Variants in EHBP1 observed in about 807,000 individuals in gnomAD.
EHBP1 encodes the protein EH domain-binding protein 1.
Under a neutral mutation model 144.0 loss-of-function variants are expected in EHBP1, and 55 were observed. That is an observed-to-expected ratio of 0.38 (90% confidence interval 0.31 to 0.48). EHBP1 has a LOEUF of 0.48. EHBP1 is among the 20% of genes least tolerant of loss of function. The probability of loss-of-function intolerance (pLI) is 0.98; values close to 1 mark genes in which losing one functional copy is unlikely to be tolerated. For missense variants in EHBP1, 1,200 were observed against 1,364.2 expected, an observed-to-expected ratio of 0.88 and a Z score of 1.90; for synonymous variants, 469 against 472.7, an observed-to-expected ratio of 0.99 and a Z score of 0.10.
chr2:62,977,758 T>C (rs1163195010), intron 14 of EHBP1, among the ~76,000 whole-genome samples: 1 of 152,180 alleles, frequency 6.6e-6, no homozygotes, highest in Non-Finnish European at 1.5e-5. Flanking sequence ...TACAAAGTTA[T>C]AATGTAAATT....
At chr2:62,697,743 A>C (rs952531016) in intron 1 of EHBP1, among the ~76,000 whole-genome samples, 1 of 152,246 alleles carries the variant, frequency 6.6e-6, no homozygotes, top group African/African-American at 2.4e-5. Flanking sequence ...AAAGAAAATC[A>C]AAATGAAAAA....
chr2:63,037,915 T>A (rs897254561), intron 20 of EHBP1, among the ~76,000 whole-genome samples: 1 of 152,028 alleles, frequency 6.6e-6, no homozygotes, highest in African/African-American at 2.4e-5. Context: ...GGAAAGGAAG[T>A]TTGGTTTATA....
At chr2:62,853,416 G>C (rs1013583400) in intron 7 of EHBP1, among the ~76,000 whole-genome samples, 3 of 152,196 alleles carry the variant, frequency 2.0e-5, no homozygotes, top group African/African-American at 7.2e-5. Flanking sequence ...CAGCAATTCA[G>C]TGATATCTTT....
At chr2:62,688,032 CT>C in intron 1 of EHBP1, among the ~76,000 whole-genome samples, 1 of 152,172 alleles carries the variant, frequency 6.6e-6, no homozygotes, top group Non-Finnish European at 1.5e-5. Flanking sequence ...CCTCAGCTTT[CT>C]TTCTCACTGG....
chr2:63,000,494 G>A (rs767103156), intron 19 of EHBP1, among the ~76,000 whole-genome samples: 5 of 151,914 alleles, frequency 3.3e-5, no homozygotes, highest in Non-Finnish European at 1.5e-5. Context: ...TCTGGAGTTC[G>A]AGACCAGCCT....
In EHBP1 at chr2:62,863,839, TG is replaced by T. The variant is rs1387482492; in HGVS notation, c.758-891del. 8.4e-3 allele frequency among the ~76,000 whole-genome samples: 989 copies of T among 117,112 alleles called. 121 individuals carry two copies. Among genetic ancestry groups the T allele is most frequent in the African/African-American group, 0.02 (631 of 32,002 alleles). The allele number at this position is 117,112 out of a possible 152,430, so 76.8% of individuals were successfully genotyped here. On this transcript the variant is annotated intron_variant, in intron 8 of 22. Coordinates refer to ENST00000431489, the MANE Select transcript of EHBP1 (RefSeq NM_001142616.3). ...TTTTTTAAATTTTATTTTTCTGTGT[TG>T]TTTTTTTTTTTTTTTTTTTTTTTTT...
At chr2:62,691,207 A>T (rs2033892383) in intron 1 of EHBP1, among the ~76,000 whole-genome samples, 1 of 152,206 alleles carries the variant, frequency 6.6e-6, no homozygotes, top group Non-Finnish European at 1.5e-5. Context: ...GTCTTATATG[A>T]TTACTTCTGT....
intron 19 of EHBP1, among the ~76,000 whole-genome samples, chr2:63,032,260 T>TA (rs2061280232): frequency 6.7e-6 from 1 of 149,084 alleles, no homozygotes; most frequent in African/African-American, 2.5e-5. Context: ...ATAAAATGAT[T>TA]TAAAAAAAAA....
At chr2:62,860,600 A>G (rs1350288972) in intron 8 of EHBP1, among the ~76,000 whole-genome samples, 11 of 152,218 alleles carry the variant, frequency 7.2e-5, no homozygotes, top group Non-Finnish European at 1.2e-4. Context: ...TTTAGGTTAG[A>G]TGGAGGTGGA....
chr2:62,997,436 G>T (rs879293001), intron 19 of EHBP1, among the ~76,000 whole-genome samples: 122 of 135,898 alleles, frequency 9.0e-4, no homozygotes, highest in Non-Finnish European at 1.7e-3. Flanking sequence ...TCATGTGTGT[G>T]TGTGTGTGTG....
rs2061932163 is a variant in EHBP1, at chr2:63,045,782, G to A, written c.*282G>A. The A allele has an allele frequency of 3.3e-6, 1 of 300,748 alleles. No homozygotes were observed. Among genetic ancestry groups the A allele is most frequent in the Non-Finnish European group, 6.2e-6 (1 of 160,118 alleles). The allele number at this position is 300,748 out of a possible 1,614,324, so 18.6% of individuals were successfully genotyped here. ...CACCTTGTGAGTGATTGGTATTGGA[G>A]GTGTTCAAGAAACTGTTCGAAAAAG... is the stretch of plus-strand genomic sequence containing the variant. On this transcript the variant is annotated 3_prime_UTR_variant, in exon 23 of 23. Coordinates refer to ENST00000431489, the MANE Select transcript of EHBP1 (RefSeq NM_001142616.3). The surrounding 1 kb of genome is among the most constrained non-coding windows in gnomAD (Gnocchi z 5.7).
At chr2:62,842,242 A>T (rs1322687774) in intron 7 of EHBP1, among the ~76,000 whole-genome samples, 2 of 151,994 alleles carry the variant, frequency 1.3e-5, no homozygotes, top group African/African-American at 2.4e-5. Context: ...GTGTGCCACC[A>T]CACTCAGCTA....
At chr2:63,027,334 C>G (rs1217267131) in intron 19 of EHBP1, among the ~76,000 whole-genome samples, 1 of 152,178 alleles carries the variant, frequency 6.6e-6, no homozygotes. Flanking sequence ...GCAATACAGA[C>G]CCAAGTTCGT....
chr2:62,928,383 T>C (rs1330636016), intron 10 of EHBP1, among the ~76,000 whole-genome samples: 1 of 152,140 alleles, frequency 6.6e-6, no homozygotes, highest in East Asian at 1.9e-4. Flanking sequence ...AAAAAGTAAG[T>C]ACTCACCCTC....
chr2:62,920,001 T>C (rs1361061369), intron 10 of EHBP1, among the ~76,000 whole-genome samples: 1 of 152,102 alleles, frequency 6.6e-6, no homozygotes, highest in Non-Finnish European at 1.5e-5. Flanking sequence ...CACCATCAAC[T>C]AAACCAACAT....
intron 19 of EHBP1, among the ~76,000 whole-genome samples, chr2:63,024,285 A>C (rs1276811064): frequency 6.6e-6 from 1 of 152,270 alleles, no homozygotes; most frequent in Non-Finnish European, 1.5e-5. Context: ...TGGAGATTGC[A>C]GTGAGCCAAG....
chr2:62,943,700 C>G, intron 11 of EHBP1, 102 bp from the exon 12 acceptor site: 1 of 661,640 alleles, frequency 1.5e-6, no homozygotes, highest in Non-Finnish European at 2.4e-6. Flanking sequence ...GCTGGTTACT[C>G]TTTAGTATTA....
intron 10 of EHBP1, among the ~76,000 whole-genome samples, chr2:62,875,663 T>G (rs1252432608): frequency 6.6e-6 from 1 of 151,970 alleles, no homozygotes; most frequent in African/African-American, 2.4e-5. Context: ...ATGACAGACA[T>G]AGAATTCAGA....
At chr2:62,909,098 G>T (rs752958029) in intron 10 of EHBP1, among the ~76,000 whole-genome samples, 2 of 152,204 alleles carry the variant, frequency 1.3e-5, no homozygotes, top group Non-Finnish European at 2.9e-5. Flanking sequence ...ATTTAGGCGT[G>T]CAAGTACCGT....
Sources: allele counts gnomAD v4.1 joint callset (sites outside exome capture counted in the v4.1 genomes callset), GRCh38; gene constraint gnomAD v4.1.1; non-coding constraint Gnocchi (gnomAD v3.1); transcripts MANE v1.5; gene names NCBI Gene and HGNC (gene_info 2026-07-23, HGNC 2026-07-21).